PRDM1: variants seen among roughly 807,000 people sequenced by gnomAD.
PRDM1 encodes the protein PR domain zinc finger protein 1.
A neutral mutation model predicts 62.8 loss-of-function variants in PRDM1; 13 were observed. The observed-to-expected ratio is 0.21, with a 90% confidence interval of 0.13 to 0.33. The LOEUF (loss-of-function observed/expected upper bound fraction) is 0.33. PRDM1 is among the 10% of genes least tolerant of loss of function. The probability of loss-of-function intolerance (pLI) is 1.00; values close to 1 mark genes in which losing one functional copy is unlikely to be tolerated. For synonymous variants in PRDM1, 396 were observed against 417.6 expected (o/e 0.95, Z 0.63); for missense variants, 895 against 1,058.8 (o/e 0.85, Z 2.15).
intron 1 of PRDM1, among the ~76,000 whole-genome samples, chr6:106,017,629 A>G (rs1772638559): frequency 6.6e-6 from 1 of 152,216 alleles, no homozygotes; most frequent in Non-Finnish European, 1.5e-5. Context: ...ACCCTGGGCA[A>G]ATGTCCCCTT....
At chr6:105,998,909 ATATATATATATATATATATATATATT>A (rs1178310336) in intron 1 of PRDM1, among the ~76,000 whole-genome samples, 3,210 of 59,620 alleles carry the variant, frequency 0.054, 74 homozygotes, top group South Asian at 0.071. Flanking sequence ...ATATATATAT[ATATATATATATATATATATATATATT>A]TTTTTTTTTT....
At chr6:106,087,937 CTT>C (rs67873862) in intron 1 of PRDM1, 414 of 197,116 alleles carry the variant, frequency 2.1e-3, no homozygotes, top group South Asian at 4.2e-3. Flanking sequence ...AGAGGTGATT[CTT>C]TTTTTTTTTT....
chr6:106,008,720 G>A (rs1452849717), intron 1 of PRDM1, among the ~76,000 whole-genome samples: 1 of 152,126 alleles, frequency 6.6e-6, no homozygotes, highest in Non-Finnish European at 1.5e-5. Context: ...GGAAGTAAAG[G>A]CAGAGACTAG....
At chr6:106,018,236 G>T (rs761359898) in intron 1 of PRDM1, among the ~76,000 whole-genome samples, 4 of 152,066 alleles carry the variant, frequency 2.6e-5, no homozygotes, top group Non-Finnish European at 5.9e-5. Flanking sequence ...GTAATGGAAC[G>T]TATAGTTATT....
intron 1 of PRDM1, among the ~76,000 whole-genome samples, chr6:106,065,072 G>A (rs1015388744): frequency 2.6e-5 from 4 of 152,150 alleles, no homozygotes; most frequent in South Asian, 2.1e-4. Flanking sequence ...TGGGGTAGTT[G>A]GAGGCTGTTT....
intron 1 of PRDM1, among the ~76,000 whole-genome samples, chr6:106,027,963 TC>T (rs1343152250): frequency 1.3e-5 from 2 of 152,210 alleles, no homozygotes; most frequent in Non-Finnish European, 2.9e-5. Context: ...TAAGTCACTT[TC>T]CTCAGTGCAA....
At chr6:106,071,658 C>T in intron 1 of PRDM1, among the ~76,000 whole-genome samples, 1 of 152,162 alleles carries the variant, frequency 6.6e-6, no homozygotes, top group East Asian at 1.9e-4. Context: ...AACTCAGGTC[C>T]TTGGCCTCAT....
intron 4 of PRDM1, among the ~76,000 whole-genome samples, chr6:106,101,633 C>T (rs948304073): frequency 4.6e-5 from 7 of 152,130 alleles, no homozygotes; most frequent in African/African-American, 4.8e-5. Flanking sequence ...GTTGTGAAAC[C>T]GGTTGTCTTA....
rs1227783243 is a variant in PRDM1, at chr6:106,038,014, C to CTTTTTTTTT, written c.-67+44387_-67+44395dup. On this transcript the variant is annotated intron_variant, in intron 1 of 6. Transcript: ENST00000652320. ...CTTTCCTATGGTTTGCTATTTTTGT[C>CTTTTTTTTT]TTTTTTTTTTTTTTTTTTTTGAGAC... is the stretch of plus-strand genomic sequence containing the variant. Among the ~76,000 whole-genome samples the CTTTTTTTTT allele has an allele frequency of 5.4e-3, 257 of 47,782 alleles. 82 individuals carry two copies. Among genetic ancestry groups the CTTTTTTTTT allele is most frequent in the East Asian group, 0.02 (22 of 1,104 alleles). 31.3% of individuals were successfully genotyped at this position (47,782 alleles called of 152,430 possible).
intron 1 of PRDM1, among the ~76,000 whole-genome samples, chr6:106,015,965 C>T (rs1772613945): frequency 6.6e-6 from 1 of 152,166 alleles, no homozygotes; most frequent in Non-Finnish European, 1.5e-5. Context: ...CAAATAAAAG[C>T]TCTACTGATT....
At chr6:106,055,811 CT>C (rs1164977994) in intron 1 of PRDM1, among the ~76,000 whole-genome samples, 1 of 152,170 alleles carries the variant, frequency 6.6e-6, no homozygotes, top group African/African-American at 2.4e-5. Context: ...GTCCCCGACT[CT>C]AGATTTTTAG....
Position 106,098,828 on chromosome 6 carries a change from G to T in PRDM1, c.412-472G>T, listed in dbSNP as rs1360208772. 4.6e-6 allele frequency: 7 copies of T among 1,527,028 alleles called. No individual in the cohort carries two copies. The African/African-American group carries it at 8.3e-5, about 18-fold the overall frequency. 94.6% of individuals were successfully genotyped at this position (1,527,028 alleles called of 1,614,324 possible). ...GCCTTGGGCGGGGGTGTAGGAAACGGCGAGTACAGAGGCCATAGAAAAAGC... is the reference window on the plus strand; with the variant it reads ...GCCTTGGGCGGGGGTGTAGGAAACGTCGAGTACAGAGGCCATAGAAAAAGC... On this transcript the variant is annotated intron_variant, in intron 3 of 6. Transcript: ENST00000369096.
At chr6:106,051,137 G>A (rs1045072459) in intron 1 of PRDM1, among the ~76,000 whole-genome samples, 2 of 152,056 alleles carry the variant, frequency 1.3e-5, no homozygotes, top group African/African-American at 4.8e-5. Context: ...TTTTCATTCA[G>A]AGCATTGAGC....
intron 1 of PRDM1, among the ~76,000 whole-genome samples, chr6:106,053,058 T>G (rs1457872242): frequency 6.6e-6 from 1 of 152,254 alleles, no homozygotes; most frequent in East Asian, 1.9e-4. Flanking sequence ...ATTTACTTCC[T>G]AATTTTTGGA....
chr6:106,016,154 T>A (rs1772617088), intron 1 of PRDM1, among the ~76,000 whole-genome samples: 1 of 152,212 alleles, frequency 6.6e-6, no homozygotes, highest in African/African-American at 2.4e-5. Flanking sequence ...TGTATCAGAA[T>A]TTCATTCCTT....
intron 1 of PRDM1, among the ~76,000 whole-genome samples, chr6:105,996,563 G>A (rs1283732688): frequency 6.6e-6 from 1 of 152,120 alleles, no homozygotes; most frequent in African/African-American, 2.4e-5. Flanking sequence ...CAACTCCTCT[G>A]CTGCCAAAAC....
upstream of PRDM1, chr6:106,045,717 C>T (rs1686587253): frequency 6.6e-6 from 1 of 152,100 alleles, no homozygotes; most frequent in Non-Finnish European, 1.5e-5. Context: ...CTCTCTAAAA[C>T]GGGGTCAACA....
At chr6:106,084,887 T>A (rs1401417015), upstream of PRDM1, among the ~76,000 whole-genome samples, 1 of 152,174 alleles carries the variant, frequency 6.6e-6, no homozygotes, top group East Asian at 1.9e-4. Context: ...GCAGCGAGTG[T>A]GTGCTAATCA....
intron 1 of PRDM1, among the ~76,000 whole-genome samples, chr6:106,000,355 G>A (rs1772412623): frequency 6.6e-6 from 1 of 152,200 alleles, no homozygotes; most frequent in Non-Finnish European, 1.5e-5. Context: ...GGCTGAGGTA[G>A]GAGGATCGCT....
Sources: allele counts gnomAD v4.1 joint callset (sites outside exome capture counted in the v4.1 genomes callset), GRCh38; gene constraint gnomAD v4.1.1; transcripts MANE v1.5; gene names NCBI Gene and HGNC (gene_info 2026-07-23, HGNC 2026-07-21).